The following INTS4 variants were observed in gnomAD, a reference collection of about 807,000 sequenced individuals.
INTS4 encodes the protein integrator complex subunit 4.
In INTS4, 70 loss-of-function variants were observed where a neutral mutation model predicts 119.5. That is an observed-to-expected ratio of 0.59 (90% CI 0.48 to 0.71). The LOEUF is 0.71. INTS4 is among the 30% of genes least tolerant of loss of function. The pLI is 0.00. For missense variants in INTS4, 867 were observed against 1,173.2 expected, an observed-to-expected ratio of 0.74 and a Z score of 3.81; for synonymous variants, 316 against 419.6, an observed-to-expected ratio of 0.75 and a Z score of 3.02.
chr11:77,947,517 C>T (rs1286932647), intron 8 of INTS4, among the ~76,000 whole-genome samples: 3 of 152,170 alleles, frequency 2.0e-5, no homozygotes, highest in Non-Finnish European at 2.9e-5. Flanking sequence ...AATGCTACAG[C>T]TAGAAACAAA....
rs1453530020 is a variant in INTS4 at position 77,928,546 on chromosome 11, C to T, written c.1167G>A (p.Glu389=). 6.4e-7 allele frequency: 1 copy of T among 1,561,584 alleles called. No individual in the cohort carries two copies. Among genetic ancestry groups the T allele is most frequent in the Admixed American group, 1.9e-5 (1 of 52,454 alleles). The change falls in exon 11 of 23, where the codon GAG becomes GAA. Residue 389 remains glutamate (E), a splice_region_variant and synonymous_variant. Coordinates refer to ENST00000534064, the MANE Select transcript of INTS4 (RefSeq NM_033547.4). The part of the protein sequence containing the change: ...FVHGLEDEMY[E]VRIAAVEALC... Reference sequence around the variant, plus strand: ...GGGCCTCCACAGCAGCAATACGAACCTCTAGAAAAAAGAACAAATGAAATT... The same window carrying T: ...GGGCCTCCACAGCAGCAATACGAACTTCTAGAAAAAAGAACAAATGAAATT...
At chr11:77,949,411 T>A (rs1307651652) in intron 8 of INTS4, among the ~76,000 whole-genome samples, 1 of 150,926 alleles carries the variant, frequency 6.6e-6, no homozygotes, top group Admixed American at 6.6e-5. Flanking sequence ...CAAAAGAAAC[T>A]ATCATCAGAG....
rs552231595 is a variant in INTS4 at position 77,888,135 on chromosome 11, A to G, written c.2592+3184T>C. ...CGCCAAGTCAATCCTAAGCCAAAAGAACAAAGCTGGAGGCATCATGCTACC... is the reference window on the plus strand; with the variant it reads ...CGCCAAGTCAATCCTAAGCCAAAAGGACAAAGCTGGAGGCATCATGCTACC... On this transcript the variant is annotated intron_variant, in intron 21 of 22. Coordinates refer to ENST00000534064, the MANE Select transcript of INTS4 (RefSeq NM_033547.4). Among the ~76,000 whole-genome samples the G allele has an allele frequency of 4.1e-4, 62 of 152,342 alleles. 1 individual carries two copies. The South Asian group carries it at 8.1e-3, about 20-fold the overall frequency.
At position 77,907,803 on chromosome 11, in the gene INTS4, G is replaced by T; in HGVS notation, c.1930C>A (p.Gln644Lys). The change falls in exon 16 of 23, where the codon CAA becomes AAA. Residue 644 changes from glutamine (Q) to lysine (K), a missense_variant. Gln to Lys is a moderately conservative substitution (Grantham distance 53). Transcript: ENST00000534064. ...ELLEFTIRDL[Q>K]RLGELQSELA... ...TCAGATTGAAGTTCTCCAAGTCTTT[G>T]CAGATCCCTATAGTAAATAAAACCC... The T allele has an allele frequency of 6.2e-7, 1 of 1,609,794 alleles. No homozygotes were observed. The highest frequency in any genetic ancestry group is 2.2e-5 in the East Asian group (1 of 44,804).
Position 77,924,866 on chromosome 11 carries a change from A to G in INTS4, c.1398T>C (p.Ala466=). The change falls in exon 12 of 23, where the codon GCT becomes GCC. Residue 466 remains alanine, a synonymous_variant. Coordinates refer to ENST00000534064, the MANE Select transcript of INTS4 (RefSeq NM_033547.4). ...TAGTACAGCATAAGAGTTCATGAAG[A>G]GCCTCTCGAATATCTCTGGATGAAT... ...LEDSSRDIRE[A]LHELLCCTNV... 1 of 1,599,508 alleles carries G rather than the reference A, an allele frequency of 6.3e-7. No individual in the cohort carries two copies. Among genetic ancestry groups the G allele is most frequent in the Non-Finnish European group, 8.6e-7 (1 of 1,168,530 alleles).
At chr11:77,886,316 A>G (rs779088148) in intron 21 of INTS4, among the ~76,000 whole-genome samples, 5 of 152,194 alleles carry the variant, frequency 3.3e-5, no homozygotes, top group Admixed American at 3.3e-4. Context: ...GTCTACTCCA[A>G]AAGTGGAGCT....
intron 4 of INTS4, among the ~76,000 whole-genome samples, chr11:77,967,335 C>T (rs575011425): frequency 1.3e-5 from 2 of 152,028 alleles, no homozygotes; most frequent in Non-Finnish European, 2.9e-5. Flanking sequence ...GGCCATATGC[C>T]CACACAGCCA....
intron 4 of INTS4, among the ~76,000 whole-genome samples, chr11:77,977,173 T>C (rs553032844): frequency 1.3e-5 from 2 of 152,280 alleles, no homozygotes; most frequent in Non-Finnish European, 2.9e-5. Flanking sequence ...TTTGATAGTC[T>C]GTGTTTCAGA....
chr11:77,932,763 T>C (rs1953683561), intron 10 of INTS4, among the ~76,000 whole-genome samples: 1 of 152,088 alleles, frequency 6.6e-6, no homozygotes, highest in South Asian at 2.1e-4. Flanking sequence ...CACCATGGAA[T>C]ACCACGCAGC....
chr11:77,954,218 G>C (rs1242134723), intron 8 of INTS4, among the ~76,000 whole-genome samples: 2 of 152,090 alleles, frequency 1.3e-5, no homozygotes, highest in Admixed American at 1.3e-4. Context: ...GTCTGTATAA[G>C]CTGGATAACT....
intron 4 of INTS4, among the ~76,000 whole-genome samples, chr11:77,976,561 C>A (rs986614374): frequency 1.3e-5 from 2 of 152,268 alleles, no homozygotes; most frequent in South Asian, 2.1e-4. Flanking sequence ...TTTGACCCAG[C>A]AATCCCATTA....
intron 9 of INTS4, among the ~76,000 whole-genome samples, chr11:77,939,904 G>A (rs1428065240): frequency 6.6e-6 from 1 of 151,878 alleles, no homozygotes; most frequent in Admixed American, 6.6e-5. Context: ...AAGAAAAAGA[G>A]CTGAGAGACA....
chr11:77,981,739 T>TTTATTTATTTATTTA (rs1565290160), intron 2 of INTS4, among the ~76,000 whole-genome samples, 163 bp from the exon 3 acceptor site: 9 of 149,966 alleles, frequency 6.0e-5, no homozygotes, highest in Non-Finnish European at 7.4e-5. Context: ...GACAGCTTTC[T>TTTATTTATTTATTTA]TTTATTTATT....
At chr11:77,980,601 A>G (rs1856166344) in intron 3 of INTS4, among the ~76,000 whole-genome samples, 1 of 152,132 alleles carries the variant, frequency 6.6e-6, no homozygotes, top group South Asian at 2.1e-4. Flanking sequence ...CTGGTCTCAA[A>G]TTCCTGGGCT....
At chr11:77,891,652 T>C (rs780326983) in intron 20 of INTS4, 29 bp downstream of exon 20, 1 of 1,610,552 alleles carries the variant, frequency 6.2e-7, no homozygotes, top group Non-Finnish European at 8.5e-7. Context: ...TGGACAGATT[T>C]GGCCTACAGG....
At chr11:77,918,074 G>C in intron 15 of INTS4, 1 of 618,456 alleles carries the variant, frequency 1.6e-6, no homozygotes, top group Non-Finnish European at 2.8e-6. Context: ...GGAATACAGG[G>C]GGCACAGTTA....
intron 8 of INTS4, among the ~76,000 whole-genome samples, chr11:77,941,911 T>C (rs970785996): frequency 1.3e-5 from 2 of 152,166 alleles, no homozygotes; most frequent in African/African-American, 4.8e-5. Context: ...ATTTTATATA[T>C]GGAGAAAAGA....
rs1411003878 is a variant in INTS4, at chr11:77,878,763, A to C, written c.*186T>G. 2.9e-6 allele frequency: 2 copies of C among 694,636 alleles called. No individual in the cohort carries two copies. The highest frequency in any genetic ancestry group is 2.7e-5 in the East Asian group (1 of 37,312). 43.0% of individuals were successfully genotyped at this position (694,636 alleles called of 1,614,324 possible). A position where few individuals can be genotyped will look rare whatever the true frequency, so the allele number is the denominator to read the frequency against. ...TATTGTGGACAGGAGAAGGGTAAGT[A>C]GACTTGAAGGTTTTTTATTTTTTAA... On this transcript the variant is annotated 3_prime_UTR_variant, in exon 23 of 23. Coordinates refer to ENST00000534064, the MANE Select transcript of INTS4 (RefSeq NM_033547.4).
intron 4 of INTS4, among the ~76,000 whole-genome samples, chr11:77,971,583 T>C (rs1225832226): frequency 6.6e-6 from 1 of 152,050 alleles, no homozygotes; most frequent in Admixed American, 6.6e-5. Context: ...GAGGTTGCAG[T>C]GAGCCGAGGT....
Sources: gnomAD v4.1 joint callset for allele counts (sites outside exome capture counted in the v4.1 genomes callset) on GRCh38, gnomAD v4.1.1 for gene constraint, MANE v1.5 for transcripts, NCBI Gene and HGNC (gene_info 2026-07-23, HGNC 2026-07-21) for gene names.